Variants in AP1B1 observed in about 807,000 individuals in gnomAD.
The protein encoded by AP1B1 is AP-1 complex subunit beta-1.
A neutral mutation model predicts 104.3 loss-of-function variants in AP1B1; 36 were observed. That is an observed-to-expected ratio of 0.35 (90% CI 0.26 to 0.46). The LOEUF is 0.46. Among genes scored for constraint, AP1B1 ranks in the 20% least tolerant of loss-of-function variants. The probability of loss-of-function intolerance (pLI) is 1.00; values close to 1 mark genes in which losing one functional copy is unlikely to be tolerated. For synonymous variants in AP1B1, 504 were observed against 517.5 expected, an observed-to-expected ratio of 0.97 and a Z score of 0.35; for missense variants, 901 against 1,247.9, an observed-to-expected ratio of 0.72 and a Z score of 4.19.
chr22:29,355,795 G>A (rs1420471863), intron 6 of AP1B1, among the ~76,000 whole-genome samples: 2 of 150,540 alleles, frequency 1.3e-5, no homozygotes, highest in Non-Finnish European at 2.9e-5. Flanking sequence ...AGCTACCTGG[G>A]AGAATTGATT....
chr22:29,379,488 G>A (rs1004536566), intron 1 of AP1B1, among the ~76,000 whole-genome samples: 1 of 152,214 alleles, frequency 6.6e-6, no homozygotes, highest in Non-Finnish European at 1.5e-5. Context: ...AACACTTTCT[G>A]AAGATCTGTC....
intron 7 of AP1B1, 68 bp from the exon 8 acceptor site, chr22:29,351,893 AC>A: frequency 1.3e-6 from 2 of 1,584,450 alleles, no homozygotes; most frequent in Non-Finnish European, 1.7e-6. Context: ...AATGCCCTCC[AC>A]ATTTGCTGGG....
Position 29,356,593 on chromosome 22 carries a change from C to T in AP1B1, c.549G>A (p.Ala183=), listed in dbSNP as rs139939612. The T allele has an allele frequency of 8.2e-5, 133 of 1,614,004 alleles. No individual in the cohort carries two copies. The African/African-American group carries it at 1.3e-3, about 16-fold the overall frequency. Residue 183 remains alanine, a synonymous_variant, in exon 6 of 23, where the codon GCG becomes GCA. Coordinates refer to ENST00000357586, the MANE Select transcript of AP1B1 (RefSeq NM_001127.4). ...NPMVVANAVA[A]LSEIAESHPS... ...GGTGAGACTCGGCAATTTCTGAGAGCGCTGCCACTGCATTGGCCACCACCT... is the reference window on the plus strand; with the variant it reads ...GGTGAGACTCGGCAATTTCTGAGAGTGCTGCCACTGCATTGGCCACCACCT...
At chr22:29,361,444 G>T (rs2062045508) in intron 3 of AP1B1, among the ~76,000 whole-genome samples, 1 of 152,154 alleles carries the variant, frequency 6.6e-6, no homozygotes, top group African/African-American at 2.4e-5. Flanking sequence ...CTGGGCTTGA[G>T]TCCTAGTTCT....
rs148201659 is a variant in AP1B1, at chr22:29,354,185, C to T, written c.938+465G>A. Among the ~76,000 whole-genome samples, 834 of 152,294 alleles carry T rather than the reference C, an allele frequency of 5.5e-3. 3 individuals carry two copies. Among genetic ancestry groups the T allele is most frequent in the South Asian group, 0.018 (86 of 4,826 alleles). ...TTGACTAGAGCTACGGACTCTGTCCCCCGAAGAAATGTACACAGATACACA... is the reference window on the plus strand; with the variant it reads ...TTGACTAGAGCTACGGACTCTGTCCTCCGAAGAAATGTACACAGATACACA... On this transcript the variant is annotated intron_variant, in intron 7 of 22. Coordinates refer to ENST00000357586, the MANE Select transcript of AP1B1 (RefSeq NM_001127.4).
intron 17 of AP1B1, 173 bp from the exon 18 acceptor site, chr22:29,332,089 C>G (rs981127541): frequency 4.9e-6 from 3 of 614,084 alleles, no homozygotes; most frequent in Non-Finnish European, 8.1e-6. Flanking sequence ...TCCCCTCCCC[C>G]AGATGGCCAT....
intron 5 of AP1B1, 150 bp from the exon 6 acceptor site, chr22:29,356,766 C>T (rs1421382432): frequency 4.2e-6 from 3 of 706,900 alleles, no homozygotes; most frequent in East Asian, 5.5e-5. Context: ...GAGACCCACT[C>T]CAAGCACTCA....
chr22:29,346,520 C>T (rs1292856399), intron 11 of AP1B1, among the ~76,000 whole-genome samples: 1 of 152,216 alleles, frequency 6.6e-6, no homozygotes, highest in African/African-American at 2.4e-5. Context: ...GTTTGCGCTC[C>T]TATGAGAATC....
intron 11 of AP1B1, among the ~76,000 whole-genome samples, chr22:29,346,516 G>A (rs534193652): frequency 2.6e-5 from 4 of 152,208 alleles, no homozygotes; most frequent in Non-Finnish European, 5.9e-5. Flanking sequence ...TAGAGTTTGC[G>A]CTCCTATGAG....
At chr22:29,329,196 C>T (rs1031367809) in intron 22 of AP1B1, 21 of 1,239,920 alleles carry the variant, frequency 1.7e-5, no homozygotes, top group Non-Finnish European at 2.1e-5. Context: ...GGCCCCCACC[C>T]TGAGGGCTGC....
chr22:29,351,840 G>C lies in AP1B1; in HGVS notation c.939-15C>G. 3 of 1,613,850 alleles carry C rather than the reference G, an allele frequency of 1.9e-6. No homozygotes were observed. Among genetic ancestry groups the C allele is most frequent in the Middle Eastern group, 1.6e-4 (1 of 6,062 alleles). On this transcript the variant is annotated splice_polypyrimidine_tract_variant and intron_variant, in intron 7 of 22. Transcript: ENST00000357586. ...GGATCTCAGGCCTGGTGGTGGGGCA[G>C]GATGCCCGGAGAGCAAAAAACAAGG...
intron 19 of AP1B1, among the ~76,000 whole-genome samples, chr22:29,331,070 G>T (rs1179929635): frequency 6.6e-6 from 1 of 152,222 alleles, no homozygotes; most frequent in Non-Finnish European, 1.5e-5. Context: ...GCCAGGGGCA[G>T]GGTGCAGGCC....
At chr22:29,376,730 C>T (rs989753569) in intron 1 of AP1B1, among the ~76,000 whole-genome samples, 3 of 152,114 alleles carry the variant, frequency 2.0e-5, no homozygotes, top group Admixed American at 6.6e-5. Context: ...TTGTTCATTC[C>T]ATGTGTTTTG....
Position 29,351,984 on chromosome 22 carries a change from GC to G in AP1B1, c.939-160del, listed in dbSNP as rs532399256. Among the ~76,000 whole-genome samples the G allele has an allele frequency of 1.5e-3, 229 of 152,348 alleles. 2 individuals are homozygous for G. The highest frequency in any genetic ancestry group is 2.4e-3 in the Non-Finnish European group (162 of 68,030). On this transcript the variant is annotated intron_variant, in intron 7 of 22. Coordinates refer to ENST00000357586, the MANE Select transcript of AP1B1 (RefSeq NM_001127.4). Reference sequence around the variant, plus strand: ...ATGGCTGCAAGCTCCTGGGTAGAGGGCCCAGCAACCGGCCTGAGCAAGGCTG... The same window carrying G: ...ATGGCTGCAAGCTCCTGGGTAGAGGGCCAGCAACCGGCCTGAGCAAGGCTG...
Position 29,358,831 on chromosome 22 carries a change from T to C in AP1B1, c.420A>G (p.Thr140=). The stretch of plus-strand genomic sequence containing the variant: ...GGAGCTTGGCCACGCACACAGCTGC[T>C]GTCTTGCGCACATATGGATCCTCGT... ...LKDEDPYVRK[T]AAVCVAKLHD... is the part of the protein sequence containing the mutation. The change falls in exon 5 of 23, where the codon ACA becomes ACG. Residue 140 remains threonine (T), a synonymous_variant. Transcript: ENST00000357586. 2 of 1,614,248 alleles carry C rather than the reference T, an allele frequency of 1.2e-6. No homozygotes were observed. The highest frequency in any genetic ancestry group is 2.2e-5 in the South Asian group (2 of 91,092).
At chr22:29,344,529 T>TC (rs1402256703) in intron 11 of AP1B1, among the ~76,000 whole-genome samples, 1 of 142,538 alleles carries the variant, frequency 7.0e-6, no homozygotes, top group African/African-American at 2.7e-5. Context: ...TTTTTTTTTT[T>TC]TTTTTTTTTT....
At chr22:29,337,874 C>T (rs1011366997) in intron 16 of AP1B1, among the ~76,000 whole-genome samples, 1 of 152,228 alleles carries the variant, frequency 6.6e-6, no homozygotes, top group Non-Finnish European at 1.5e-5. Context: ...GTGCTTCTGC[C>T]CCACCCCTTC....
At chr22:29,362,149 G>T (rs1306742670) in intron 3 of AP1B1, among the ~76,000 whole-genome samples, 4 of 152,020 alleles carry the variant, frequency 2.6e-5, no homozygotes, top group African/African-American at 7.3e-5. Flanking sequence ...TCCCACAGGG[G>T]AAGCATGAGC....
chr22:29,346,031 A>T (rs1365464983), intron 11 of AP1B1, among the ~76,000 whole-genome samples: 1 of 152,228 alleles, frequency 6.6e-6, no homozygotes, highest in East Asian at 1.9e-4. Context: ...TGAACCAAAG[A>T]TGCAAAGTGA....
Sources: gnomAD v4.1 joint callset for allele counts (sites outside exome capture counted in the v4.1 genomes callset) on GRCh38, gnomAD v4.1.1 for gene constraint, MANE v1.5 for transcripts, NCBI Gene and HGNC (gene_info 2026-07-23, HGNC 2026-07-21) for gene names.